Variants in MRTFB observed in about 807,000 individuals in gnomAD.
MRTFB encodes myocardin related transcription factor B.
MRTFB carries 29 observed loss-of-function variants against 104.2 expected under a neutral mutation model. The observed-to-expected ratio is 0.28, with a 90% CI of 0.21 to 0.38. The LOEUF (loss-of-function observed/expected upper bound fraction) is 0.38. MRTFB is among the 10% of genes least tolerant of loss of function. MRTFB has a pLI of 1.00. For missense variants in MRTFB, 1,270 were observed against 1,341.6 expected, an observed-to-expected ratio of 0.95 and a Z score of 0.83; for synonymous variants, 535 against 519.5, an observed-to-expected ratio of 1.03 and a Z score of -0.41.
chr16:14,048,285 C>T, the MRTFB span, among the ~76,000 whole-genome samples: 1 of 152,142 alleles, frequency 6.6e-6, no homozygotes, highest in Admixed American at 6.5e-5. Context: ...ATGTCAACCA[C>T]AGGAAATACA....
chr16:14,012,181 G>A, the MRTFB span, among the ~76,000 whole-genome samples: 1 of 151,594 alleles, frequency 6.6e-6, no homozygotes. Context: ...CTCAACGCAG[G>A]TGCAAACTAC....
At chr16:14,004,592 T>C in the MRTFB span, among the ~76,000 whole-genome samples, 8 of 151,970 alleles carry the variant, frequency 5.3e-5, no homozygotes, top group Non-Finnish European at 1.2e-4. Context: ...GTCTCCCTGC[T>C]CCCTTTCCCA....
intron 2 of MRTFB, among the ~76,000 whole-genome samples, chr16:14,105,402 ATT>A (rs141253931): frequency 2.0e-5 from 3 of 146,850 alleles, no homozygotes; most frequent in East Asian, 2.0e-4. Context: ...TTCTCTTATG[ATT>A]TTTTTTTTTT....
chr16:14,192,944 G>A (rs7188301), intron 3 of MRTFB, among the ~76,000 whole-genome samples: 71 of 152,082 alleles, frequency 4.7e-4, no homozygotes, highest in African/African-American at 1.4e-3. Context: ...AAGTCCTGCC[G>A]CCAAAGCTGC....
At chr16:14,016,738 AC>A in the MRTFB span, among the ~76,000 whole-genome samples, 1 of 132,376 alleles carries the variant, frequency 7.6e-6, no homozygotes, top group African/African-American at 2.9e-5. Context: ...ACACCACTGC[AC>A]TCCATCGTGG....
Position 14,215,297 on chromosome 16 carries a change from A to C in MRTFB, c.352+1677A>C, listed in dbSNP as rs570916357. On this transcript the variant is annotated intron_variant, in intron 6 of 16. Transcript: ENST00000571589. ...CAAGTTGGGAGTTTTGAAATAAGAAAGAATGTCATTTTATTTTTTGAAGTA... is the reference window on the plus strand; with the variant it reads ...CAAGTTGGGAGTTTTGAAATAAGAACGAATGTCATTTTATTTTTTGAAGTA... Among the ~76,000 whole-genome samples the C allele has an allele frequency of 5.9e-4, 90 of 152,352 alleles. 2 individuals carry two copies. In the South Asian group the frequency reaches 0.012, roughly 21 times the overall value.
chr16:14,018,750 C>T, the MRTFB span: 1 of 152,226 alleles, frequency 6.6e-6, no homozygotes, highest in Non-Finnish European at 1.5e-5. Flanking sequence ...CATCATATCC[C>T]TTAAGGCCAA....
intron 3 of MRTFB, chr16:14,186,748 T>G: frequency 6.8e-7 from 1 of 1,470,868 alleles, no homozygotes. Context: ...AACTAAAGGG[T>G]AATGGCTGCC....
chr16:14,033,852 AAAGAAG>A, the MRTFB span, among the ~76,000 whole-genome samples: 4 of 146,336 alleles, frequency 2.7e-5, no homozygotes, highest in Non-Finnish European at 3.0e-5. Context: ...AAAAAAAAAA[AAAGAAG>A]AAGAAGAAGA....
At chr16:14,133,441 G>A (rs2142463675) in intron 2 of MRTFB, among the ~76,000 whole-genome samples, 1 of 152,284 alleles carries the variant, frequency 6.6e-6, no homozygotes, top group East Asian at 1.9e-4. Flanking sequence ...ACTGCACTTA[G>A]TCATGTCTTA....
At position 14,136,571 on chromosome 16, in the gene MRTFB, A is replaced by G. The variant is rs535765928; in HGVS notation, c.-63-3973A>G. Among the ~76,000 whole-genome samples, 6 of 152,242 alleles carry G rather than the reference A, an allele frequency of 3.9e-5. No homozygotes were observed. In the South Asian group the frequency reaches 1.2e-3, roughly 32 times the overall value. Reference sequence around the variant, plus strand: ...TTTTAAACCTCCCCAAATTATTATCATATTGTGAGGAGAGTTGAGAAGCAC... The same window carrying G: ...TTTTAAACCTCCCCAAATTATTATCGTATTGTGAGGAGAGTTGAGAAGCAC... On this transcript the variant is annotated intron_variant, in intron 2 of 16. Coordinates refer to ENST00000571589, the MANE Select transcript of MRTFB (RefSeq NM_001308142.2).
the MRTFB span, among the ~76,000 whole-genome samples, chr16:14,039,997 C>T: frequency 1.3e-5 from 2 of 152,172 alleles, no homozygotes; most frequent in South Asian, 4.1e-4. Context: ...ATCTGCCCAC[C>T]TTGGCCTCCC....
intron 3 of MRTFB, chr16:14,143,694 A>G (rs1325430356): frequency 6.6e-6 from 1 of 152,004 alleles, no homozygotes; most frequent in African/African-American, 2.4e-5. Context: ...AATCACAAGT[A>G]CCATTCACAA....
chr16:14,252,398 G>C lies in MRTFB; in HGVS notation c.2599G>C (p.Val867Leu), dbSNP rs143400741. 6.2e-7 allele frequency: 1 copy of C among 1,612,896 alleles called. No individual in the cohort carries two copies. ...SSPPPPQQFV[V>L]QHSLFGSPVA... ...ACCCCCGCCACCCCAGCAATTTGTC[G>C]TCCAGCACTCTCTATTTGGGAGTCC... is the stretch of plus-strand genomic sequence containing the variant. The change falls in exon 15 of 17, where the codon GTC becomes CTC. Residue 867 changes from valine to leucine, a missense_variant. Transcript: ENST00000571589.
the MRTFB span, among the ~76,000 whole-genome samples, chr16:13,997,003 G>A: frequency 3.3e-5 from 5 of 152,216 alleles, no homozygotes; most frequent in African/African-American, 1.2e-4. Context: ...TGACTTTCGG[G>A]TTTGCAGTGG....
At chr16:14,191,320 G>C (rs374292534) in intron 3 of MRTFB, among the ~76,000 whole-genome samples, 18 of 152,226 alleles carry the variant, frequency 1.2e-4, no homozygotes, top group African/African-American at 3.9e-4. Flanking sequence ...ACGCTACTCA[G>C]TGCTTTGCTC....
At chr16:14,159,929 CAAAAAAAAAAAA>C (rs552159164) in intron 3 of MRTFB, among the ~76,000 whole-genome samples, 5 of 55,632 alleles carry the variant, frequency 9.0e-5, no homozygotes, top group Admixed American at 2.0e-4. Context: ...GACTCCGTCT[CAAAAAAAAAAAA>C]AAAAAAAAAA....
At chr16:14,020,890 C>G in the MRTFB span, 1 of 152,232 alleles carries the variant, frequency 6.6e-6, no homozygotes, top group African/African-American at 2.4e-5. Context: ...TGGGAAACTC[C>G]TCTGGTTGCA....
chr16:14,005,078 C>T, the MRTFB span, among the ~76,000 whole-genome samples: 1 of 152,268 alleles, frequency 6.6e-6, no homozygotes, highest in Non-Finnish European at 1.5e-5. Context: ...GATCCTCACA[C>T]ACCATCATCC....
Sources: gnomAD v4.1 joint callset for allele counts (sites outside exome capture counted in the v4.1 genomes callset) on GRCh38, gnomAD v4.1.1 for gene constraint, MANE v1.5 for transcripts, NCBI Gene and HGNC (gene_info 2026-07-23, HGNC 2026-07-21) for gene names.